Variants in ALK observed in about 807,000 individuals in gnomAD.
ALK encodes the protein ALK receptor tyrosine kinase, also known as ALK tyrosine kinase receptor.
A neutral mutation model predicts 163.1 loss-of-function variants in ALK; 74 were observed. That is an observed-to-expected ratio of 0.45 (90% CI 0.38 to 0.55). ALK has a LOEUF of 0.55. ALK is among the 20% of genes least tolerant of loss of function. The pLI, the probability that ALK is intolerant of heterozygous loss-of-function variation, is 0.00. For synonymous variants in ALK, 960 were observed against 843.2 expected (o/e 1.14, Z -2.40); for missense variants, 2,063 against 2,105.3 (o/e 0.98, Z 0.39).
intron 2 of ALK, among the ~76,000 whole-genome samples, chr2:29,698,815 T>C (rs1678647926): frequency 6.6e-6 from 1 of 152,250 alleles, no homozygotes; most frequent in Admixed American, 6.5e-5. Flanking sequence ...AACCTCCTTT[T>C]AGCTGTTAAA....
intron 5 of ALK, among the ~76,000 whole-genome samples, chr2:29,363,629 C>A (rs1411014592): frequency 6.6e-6 from 1 of 152,172 alleles, no homozygotes; most frequent in African/African-American, 2.4e-5. Context: ...AGTCTATCTT[C>A]CTGGGGGAAT....
intron 4 of ALK, among the ~76,000 whole-genome samples, chr2:29,478,550 G>A (rs1237348328): frequency 6.6e-6 from 1 of 152,228 alleles, no homozygotes; most frequent in Non-Finnish European, 1.5e-5. Flanking sequence ...CTTAACTTGA[G>A]AAGAGCTTTG....
rs10189673 is a variant in ALK at position 29,318,126 on chromosome 2, T to C, written c.1647+178A>G. On this transcript the variant is annotated intron_variant, in intron 8 of 28. Coordinates refer to ENST00000389048, the MANE Select transcript of ALK (RefSeq NM_004304.5). Reference sequence around the variant, plus strand: ...TGTTTAAGGCATGATTCTCTGTAGATAGGGCTTTACCATGTTGATGGACAT... The same window carrying C: ...TGTTTAAGGCATGATTCTCTGTAGACAGGGCTTTACCATGTTGATGGACAT... 0.069 allele frequency among the ~76,000 whole-genome samples: 10,542 copies of C among 152,256 alleles called. 403 individuals carry two copies. The highest frequency in any genetic ancestry group is 0.077 in the Non-Finnish European group (5,259 of 68,004).
At position 29,339,760 on chromosome 2, in the gene ALK, G is replaced by A. The variant is rs577566983; in HGVS notation, c.1283-11279C>T. On this transcript the variant is annotated intron_variant, in intron 5 of 28. Transcript: ENST00000389048. ...GGACTGGCAGGGGGCCCGAGGTGAT[G>A]GTGAGAGAGGACAACATAAAGGATG... 7.2e-5 allele frequency among the ~76,000 whole-genome samples: 11 copies of A among 152,278 alleles called. No homozygotes were observed. The South Asian group carries it at 1.7e-3, about 23-fold the overall frequency.
chr2:29,904,006 G>A (rs1057274315), intron 1 of ALK, among the ~76,000 whole-genome samples: 3 of 152,106 alleles, frequency 2.0e-5, no homozygotes, highest in Non-Finnish European at 4.4e-5. Context: ...TAGGTGATTT[G>A]CCCAGATTAA....
chr2:29,508,965 T>A (rs1438950904), intron 4 of ALK, among the ~76,000 whole-genome samples: 1 of 152,098 alleles, frequency 6.6e-6, no homozygotes. Context: ...GTGATTCTAA[T>A]TCAGTGTGTA....
intron 1 of ALK, among the ~76,000 whole-genome samples, chr2:29,758,885 T>C (rs187267881): frequency 2.7e-3 from 404 of 152,312 alleles, no homozygotes; most frequent in Middle Eastern, 0.024. Context: ...GGGCCCTTTA[T>C]ACACAGCCAC....
intron 5 of ALK, among the ~76,000 whole-genome samples, chr2:29,381,217 T>G (rs971278696): frequency 6.6e-6 from 1 of 152,264 alleles, no homozygotes; most frequent in Non-Finnish European, 1.5e-5. Flanking sequence ...AGGATATTAG[T>G]CCCTGCTTTA....
chr2:29,396,743 C>A lies in ALK; in HGVS notation c.1155-12884G>T, dbSNP rs563641218. Among the ~76,000 whole-genome samples, 6 of 151,846 alleles carry A rather than the reference C, an allele frequency of 4.0e-5. No individual in the cohort carries two copies. The South Asian group carries it at 1.3e-3, about 32-fold the overall frequency. ...CCACAGTTCTCCAATGGCCTCGGGA[C>A]CTGCCTCTGGCTCCCTGCACATACC... is the stretch of plus-strand genomic sequence containing the variant. On this transcript the variant is annotated intron_variant, in intron 4 of 28. Coordinates refer to ENST00000389048, the MANE Select transcript of ALK (RefSeq NM_004304.5).
At chr2:29,219,782 T>C (rs75143280) in intron 23 of ALK, among the ~76,000 whole-genome samples, 2,123 of 152,352 alleles carry the variant, frequency 0.014, 36 homozygotes, top group African/African-American at 0.048. Flanking sequence ...TGCCCTAAAC[T>C]ACACGGGTGT....
intron 4 of ALK, among the ~76,000 whole-genome samples, chr2:29,495,138 C>T (rs144313189): frequency 1.7e-4 from 26 of 152,208 alleles, no homozygotes; most frequent in Admixed American, 5.9e-4. Context: ...TTCACAGAGC[C>T]GGGGTGGACT....
chr2:29,747,495 A>G (rs375783506), intron 1 of ALK, among the ~76,000 whole-genome samples: 2 of 152,222 alleles, frequency 1.3e-5, no homozygotes, highest in African/African-American at 4.8e-5. Context: ...GGAGGAGAGC[A>G]TCTCTTGGAC....
chr2:29,216,938 T>TGTGTG lies in ALK; in HGVS notation c.3646-2862_3646-2858dup. Among the ~76,000 whole-genome samples, 5 of 26,548 alleles carry TGTGTG rather than the reference T, an allele frequency of 1.9e-4. 1 individual carries two copies. Among genetic ancestry groups the TGTGTG allele is most frequent in the Non-Finnish European group, 7.2e-4 (5 of 6,934 alleles). The allele number at this position is 26,548 out of a possible 152,430, so 17.4% of individuals were successfully genotyped here. A position where few individuals can be genotyped will look rare whatever the true frequency, so the allele number is the denominator to read the frequency against. The stretch of plus-strand genomic sequence containing the variant: ...ATGTCTTTATGGTGTGTGGGGGGTG[T>TGTGTG]GTGTGTGGCATGTGATGTGTGTGTG... On this transcript the variant is annotated intron_variant, in intron 23 of 28. Coordinates refer to ENST00000389048, the MANE Select transcript of ALK (RefSeq NM_004304.5).
At chr2:29,511,148 T>G (rs1314318323) in intron 4 of ALK, among the ~76,000 whole-genome samples, 2 of 152,320 alleles carry the variant, frequency 1.3e-5, no homozygotes, top group East Asian at 3.9e-4. Flanking sequence ...CAATAAATGG[T>G]ATCCATTTAA....
chr2:29,532,289 T>C (rs1278831458), intron 3 of ALK, among the ~76,000 whole-genome samples, 173 bp from the exon 4 acceptor site: 1 of 152,174 alleles, frequency 6.6e-6, no homozygotes, highest in African/African-American at 2.4e-5. Flanking sequence ...TCTTTGTAAA[T>C]AGTATAGCCT....
chr2:29,700,335 G>A (rs1445670389), intron 2 of ALK, among the ~76,000 whole-genome samples: 3 of 152,082 alleles, frequency 2.0e-5, no homozygotes, highest in Non-Finnish European at 1.5e-5. Flanking sequence ...ACCTGAGGTC[G>A]GGAGTTGGAG....
chr2:29,818,199 C>T (rs12997218), intron 1 of ALK, among the ~76,000 whole-genome samples: 20,667 of 152,108 alleles, frequency 0.14, 1,705 homozygotes, highest in South Asian at 0.2. Flanking sequence ...TGATGTGACC[C>T]GGATTATACA....
intron 3 of ALK, among the ~76,000 whole-genome samples, chr2:29,589,622 G>C (rs1220302128): frequency 6.6e-6 from 1 of 152,182 alleles, no homozygotes; most frequent in East Asian, 1.9e-4. Flanking sequence ...ACAGCCTGCT[G>C]TCTTTAGGCT....
intron 4 of ALK, among the ~76,000 whole-genome samples, chr2:29,513,053 T>A (rs952631078): frequency 3.3e-4 from 50 of 151,406 alleles, no homozygotes; most frequent in Non-Finnish European, 6.6e-4. Flanking sequence ...AGAATCAATA[T>A]CGTGAAAATG....
Sources: gnomAD v4.1 joint callset for allele counts (sites outside exome capture counted in the v4.1 genomes callset) on GRCh38, gnomAD v4.1.1 for gene constraint, MANE v1.5 for transcripts, NCBI Gene and HGNC (gene_info 2026-07-23, HGNC 2026-07-21) for gene names.